Variants in THRAP3 observed in about 807,000 individuals in gnomAD.
The protein encoded by THRAP3 is thyroid hormone receptor-associated protein 3.
THRAP3 carries 16 observed loss-of-function variants against 101.0 expected under a neutral mutation model. The ratio of observed to expected loss-of-function variants is 0.16; its 90% CI spans 0.11 to 0.24. The LOEUF is 0.24. THRAP3 is among the 10% of genes least tolerant of loss of function. The pLI is 1.00. For missense variants in THRAP3, 989 were observed against 1,202.7 expected (o/e 0.82, Z 2.63); for synonymous variants, 407 against 422.6 (o/e 0.96, Z 0.45).
intron 1 of THRAP3, among the ~76,000 whole-genome samples, chr1:36,230,281 G>C (rs1319713208): frequency 6.6e-6 from 1 of 151,764 alleles, no homozygotes; most frequent in African/African-American, 2.4e-5. Context: ...ACCATGCCCG[G>C]CTAATTTTGT....
At chr1:36,302,140 CT>C (rs1363537751) in intron 11 of THRAP3, among the ~76,000 whole-genome samples, 1 of 152,208 alleles carries the variant, frequency 6.6e-6, no homozygotes, top group African/African-American at 2.4e-5. Context: ...GCCAGTGGGG[CT>C]TCTCTCATCT....
rs753960423 is a variant in THRAP3, at chr1:36,286,792, C to T, written c.562C>T (p.Arg188Trp). 1.9e-6 allele frequency: 3 copies of T among 1,614,206 alleles called. No individual in the cohort carries two copies. Among genetic ancestry groups the T allele is most frequent in the Non-Finnish European group, 1.7e-6 (2 of 1,180,044 alleles). The stretch of plus-strand genomic sequence containing the variant: ...GAAAAAGTCCTCTTCTAAGGATAGC[C>T]GGCCATCTCAGGCTGCCGGGGATAA... ...KEKKSSSKDS[R>W]PSQAAGDNQG... is the part of the protein sequence containing the mutation. The change falls in exon 4 of 12, where the codon CGG becomes TGG. Residue 188 changes from arginine to tryptophan, a missense_variant. Arg to Trp is a moderately radical substitution (Grantham distance 101). Transcript: ENST00000354618. The surrounding 1 kb of genome is among the most constrained non-coding windows in gnomAD (Gnocchi z 5.5).
At chr1:36,245,985 A>G (rs1570255435) in intron 1 of THRAP3, among the ~76,000 whole-genome samples, 2 of 152,298 alleles carry the variant, frequency 1.3e-5, no homozygotes, top group South Asian at 2.1e-4. Flanking sequence ...TGTATTAACC[A>G]TTTAATTATT....
rs185475967 is a variant in THRAP3, at chr1:36,277,557, A to C, written c.-31-4976A>C. Among the ~76,000 whole-genome samples the C allele has an allele frequency of 5.1e-3, 778 of 151,570 alleles. 6 individuals are homozygous for C. Among genetic ancestry groups the C allele is most frequent in the African/African-American group, 0.018 (732 of 40,940 alleles). ...TAACGTGCTTTGTCACCCAGGCTGG[A>C]GTGCAGTGGCACAAACATGGCTCAC... is the stretch of plus-strand genomic sequence containing the variant. On this transcript the variant is annotated intron_variant, in intron 2 of 11. Coordinates refer to ENST00000354618, the MANE Select transcript of THRAP3 (RefSeq NM_005119.4).
intron 1 of THRAP3, chr1:36,225,313 AAG>A (rs1018012941): frequency 6.6e-6 from 1 of 152,292 alleles, no homozygotes; most frequent in Admixed American, 6.5e-5. Flanking sequence ...AGGACCTGGC[AAG>A]AGAGAGGCAG....
chr1:36,272,799 A>C (rs1289518361), intron 2 of THRAP3, among the ~76,000 whole-genome samples: 1 of 152,188 alleles, frequency 6.6e-6, no homozygotes, highest in Non-Finnish European at 1.5e-5. Flanking sequence ...CAAACGTGGC[A>C]CTAGTAAATG....
intron 1 of THRAP3, among the ~76,000 whole-genome samples, chr1:36,254,663 C>G (rs1645350241): frequency 6.6e-6 from 1 of 152,164 alleles, no homozygotes; most frequent in East Asian, 1.9e-4. Flanking sequence ...ATGAATGTGA[C>G]TGTTCCTATA....
intron 9 of THRAP3, among the ~76,000 whole-genome samples, chr1:36,298,028 T>C (rs1237085204): frequency 1.3e-5 from 2 of 149,050 alleles, no homozygotes; most frequent in Non-Finnish European, 3.0e-5. Context: ...GCGCCTGTAA[T>C]CCCAGCTACT....
chr1:36,240,424 T>TGA (rs957122138), intron 1 of THRAP3, among the ~76,000 whole-genome samples: 2 of 152,128 alleles, frequency 1.3e-5, no homozygotes, highest in East Asian at 1.9e-4. Flanking sequence ...TGTCACAGCA[T>TGA]GAGAGAGAGA....
chr1:36,213,913 A>G, the THRAP3 span, among the ~76,000 whole-genome samples: 14 of 69,142 alleles, frequency 2.0e-4, no homozygotes, highest in Admixed American at 1.5e-4. Context: ...AGGAAAGAGA[A>G]AGAAAGAAAG....
chr1:36,299,074 A>G (rs1645996861), intron 9 of THRAP3, among the ~76,000 whole-genome samples: 1 of 150,570 alleles, frequency 6.6e-6, no homozygotes, highest in Admixed American at 6.6e-5. Context: ...GATTACAGGC[A>G]TGAGCCACTG....
In THRAP3 at chr1:36,305,228, A is replaced by C. The variant is rs1283082134; in HGVS notation, c.*1211A>C. On this transcript the variant is annotated 3_prime_UTR_variant, in exon 12 of 12. Coordinates refer to ENST00000354618, the MANE Select transcript of THRAP3 (RefSeq NM_005119.4). Reference sequence around the variant, plus strand: ...TGCGTTGTTGTGCTGCTTTCCCCTTACTTTGCTACATTTCTATAGTTAAGT... The same window carrying C: ...TGCGTTGTTGTGCTGCTTTCCCCTTCCTTTGCTACATTTCTATAGTTAAGT... 1.4e-5 allele frequency: 3 copies of C among 216,172 alleles called. No individual in the cohort carries two copies. Among genetic ancestry groups the C allele is most frequent in the African/African-American group, 6.8e-5 (3 of 44,250 alleles). The allele number at this position is 216,172 out of a possible 1,614,324, so 13.4% of individuals were successfully genotyped here. A position where few individuals can be genotyped will look rare whatever the true frequency, so the allele number is the denominator to read the frequency against.
In THRAP3 at chr1:36,229,420, T is replaced by G. The variant is rs1264872760; in HGVS notation, c.-135+4915T>G. Among the ~76,000 whole-genome samples, 108 of 45,108 alleles carry G rather than the reference T, an allele frequency of 2.4e-3. 1 individual carries two copies. Among genetic ancestry groups the G allele is most frequent in the Non-Finnish European group, 4.3e-3 (93 of 21,592 alleles). 29.6% of individuals were successfully genotyped at this position (45,108 alleles called of 152,430 possible). A position where few individuals can be genotyped will look rare whatever the true frequency, so the allele number is the denominator to read the frequency against. On this transcript the variant is annotated intron_variant, in intron 1 of 11. Transcript: ENST00000354618. ...CTACAGTTTTTTTTTTTGTTTTTTT[T>G]TTGTTTTTTTTTTTTTGAGAATAAG...
At chr1:36,258,081 C>T (rs539925901) in intron 1 of THRAP3, among the ~76,000 whole-genome samples, 14 of 152,316 alleles carry the variant, frequency 9.2e-5, no homozygotes, top group African/African-American at 3.1e-4. Flanking sequence ...CCTCGTGATC[C>T]GCCCGCCTCG....
chr1:36,294,009 TTTAAA>T, intron 8 of THRAP3, 74 bp downstream of exon 8: 42 of 1,578,240 alleles, frequency 2.7e-5, no homozygotes, highest in Non-Finnish European at 3.5e-5. Flanking sequence ...AATGTGTTTG[TTTAAA>T]TTACTCTCTA....
rs114196284 is a variant in THRAP3, at chr1:36,293,350, A to G, written c.2031-501A>G. 6.3e-3 allele frequency among the ~76,000 whole-genome samples: 953 copies of G among 152,226 alleles called. 11 individuals carry two copies. The highest frequency in any genetic ancestry group is 0.022 in the African/African-American group (897 of 41,530). ...AGCCTAATGCTAGTTTCTTTAGGTAAGCCTGTATATTAATATTTCATGGTA... is the reference window on the plus strand; with the variant it reads ...AGCCTAATGCTAGTTTCTTTAGGTAGGCCTGTATATTAATATTTCATGGTA... On this transcript the variant is annotated intron_variant, in intron 7 of 11. Coordinates refer to ENST00000354618, the MANE Select transcript of THRAP3 (RefSeq NM_005119.4).
chr1:36,269,447 G>T (rs575909661), intron 2 of THRAP3, among the ~76,000 whole-genome samples: 12 of 152,246 alleles, frequency 7.9e-5, no homozygotes, highest in African/African-American at 2.6e-4. Flanking sequence ...AGCCTCCACT[G>T]GGAATGACAT....
intron 1 of THRAP3, among the ~76,000 whole-genome samples, chr1:36,259,113 A>T (rs1030234485): frequency 3.9e-5 from 6 of 152,220 alleles, no homozygotes; most frequent in East Asian, 1.9e-4. Context: ...TTAGTCTTGC[A>T]TAATGAAAAC....
Position 36,304,003 on chromosome 1 carries a change from C to G in THRAP3, c.2854C>G (p.Pro952Ala), listed in dbSNP as rs1168455038. The G allele has an allele frequency of 6.4e-7, 1 of 1,559,016 alleles. No homozygotes were observed. The highest frequency in any genetic ancestry group is 8.7e-7 in the Non-Finnish European group (1 of 1,152,884). Residue 952 changes from proline to alanine, a missense_variant, in exon 12 of 12, where the codon CCC becomes GCC. Coordinates refer to ENST00000354618, the MANE Select transcript of THRAP3 (RefSeq NM_005119.4). ...ENREEKDNIQPTTE is the reference protein window; with the variant it reads ...ENREEKDNIQATTE ...CCGAGAAGAGAAGGACAATATACAG[C>G]CCACAACCGAGTAGGGGCCACCCTT... is the stretch of plus-strand genomic sequence containing the variant.
Sources: gnomAD v4.1 joint callset for allele counts (sites outside exome capture counted in the v4.1 genomes callset) on GRCh38, gnomAD v4.1.1 for gene constraint, Gnocchi (gnomAD v3.1) non-coding constraint, MANE v1.5 for transcripts, NCBI Gene and HGNC (gene_info 2026-07-23, HGNC 2026-07-21) for gene names.